UBL5: variants seen among roughly 807,000 people sequenced by gnomAD.
UBL5 encodes ubiquitin like 5, also known as ubiquitin-like protein 5.
Under a neutral mutation model 11.7 loss-of-function variants are expected in UBL5, and 13 were observed. That is an observed-to-expected ratio of 1.11 (90% CI 0.73 to 1.77). The LOEUF (loss-of-function observed/expected upper bound fraction) is 1.77, where lower values mean the gene tolerates loss of function less well. Among genes scored for constraint, UBL5 ranks in the 40% most tolerant of loss-of-function variants. The probability of loss-of-function intolerance (pLI) is 0.00; values close to 1 mark genes in which losing one functional copy is unlikely to be tolerated. For missense variants in UBL5, 58 were observed against 92.3 expected, an observed-to-expected ratio of 0.63 and a Z score of 1.52; for synonymous variants, 28 against 34.7, an observed-to-expected ratio of 0.81 and a Z score of 0.68.
At chr19:9,829,820 G>T in intron 4 of UBL5, 145 bp from the exon 5 acceptor site, 1 of 839,172 alleles carries the variant, frequency 1.2e-6, no homozygotes, top group Admixed American at 2.4e-5. Context: ...TAAAGTTTTG[G>T]TTCTCTCCAA....
chr19:9,828,171 T>TA, intron 1 of UBL5, 156 bp from the exon 2 acceptor site: 1 of 688,184 alleles, frequency 1.5e-6, no homozygotes, highest in Non-Finnish European at 2.5e-6. Flanking sequence ...GGCCTGGGAG[T>TA]ATTCGAGTCC....
In UBL5 at chr19:9,828,542, C is replaced by T. The variant is rs199935448; in HGVS notation, c.57-50C>T. 5 of 1,612,482 alleles carry T rather than the reference C, an allele frequency of 3.1e-6. No homozygotes were observed. In the East Asian group the frequency reaches 8.9e-5, roughly 29 times the overall value. On this transcript the variant is annotated intron_variant, in intron 2 of 4. Transcript: ENST00000586895. Reference sequence around the variant, plus strand: ...CAGATGGTATTCTGCCCTAGAATGTCCTCTTCCTCGTTCTACCGCTTCCAT... The same window carrying T: ...CAGATGGTATTCTGCCCTAGAATGTTCTCTTCCTCGTTCTACCGCTTCCAT...
intron 1 of UBL5, 65 bp downstream of exon 1, chr19:9,828,049 C>G: frequency 3.7e-6 from 2 of 543,992 alleles, no homozygotes; most frequent in Non-Finnish European, 6.6e-6. Context: ...CACCCAGGGT[C>G]TGGGGTCGGT....
chr19:9,829,935 A>C (rs900657991), intron 4 of UBL5, 30 bp from the exon 5 acceptor site: 2 of 1,613,914 alleles, frequency 1.2e-6, no homozygotes, highest in African/African-American at 2.7e-5. Context: ...CGGAAGTCAG[A>C]GTCAGGATTC....
In UBL5 at chr19:9,828,655, C is replaced by T; in HGVS notation, c.120C>T (p.Asn40=). ...LIAAQTGTRW[N]KIVLKKWYTI... ...CAGCCCAAACTGGTACCCGTTGGAA[C>T]AAGATTGTCCTGAAGAAGTGGTGAG... The change falls in exon 3 of 5, where the codon AAC becomes AAT. Residue 40 remains asparagine, a synonymous_variant. Transcript: ENST00000586895. The T allele has an allele frequency of 6.2e-7, 1 of 1,614,192 alleles. No individual in the cohort carries two copies. Among genetic ancestry groups the T allele is most frequent in the Non-Finnish European group, 8.5e-7 (1 of 1,180,028 alleles).
At position 9,828,318 on chromosome 19, in the gene UBL5, T is replaced by C. The variant is rs1193899113; in HGVS notation, c.-11-9T>C. The C allele has an allele frequency of 2.3e-4, 239 of 1,045,938 alleles. No individual in the cohort carries two copies. Among genetic ancestry groups the C allele is most frequent in the Non-Finnish European group, 2.7e-4 (188 of 689,502 alleles). 64.8% of individuals were successfully genotyped at this position (1,045,938 alleles called of 1,614,324 possible). The stretch of plus-strand genomic sequence containing the variant: ...TTGCTGCCTCCCACCCACCCCCCGC[T>C]TTGTGTAGCTCCAGCTAGGATGATC... On this transcript the variant is annotated splice_polypyrimidine_tract_variant and intron_variant, in intron 1 of 4. Transcript: ENST00000586895.
At chr19:9,828,301 TCCC>T in intron 1 of UBL5, 23 bp from the exon 2 acceptor site, 5 of 1,597,582 alleles carry the variant, frequency 3.1e-6, no homozygotes, top group Non-Finnish European at 4.3e-6. Flanking sequence ...CTTTGCTGCC[TCCC>T]ACCCACCCCC....
chr19:9,828,901 A>T, intron 4 of UBL5, 27 bp downstream of exon 4: 1 of 1,612,430 alleles, frequency 6.2e-7, no homozygotes, highest in Non-Finnish European at 8.5e-7. Context: ...TTTTTGAGGA[A>T]GCATCTACAT....
chr19:9,828,494 AGAG>A (rs2046037363), intron 2 of UBL5, 95 bp from the exon 3 acceptor site: 1 of 1,606,384 alleles, frequency 6.2e-7, no homozygotes, highest in Non-Finnish European at 8.5e-7. Context: ...TAAACCCGGG[AGAG>A]GGGGCGGATG....
At position 9,828,890 on chromosome 19, in the gene UBL5, CTT is replaced by C. The variant is rs2046040474; in HGVS notation, c.178+20_178+21del. ...CTGGGGGACTGTATCCTTTGTGTGA[CTT>C]TTTGAGGAAGCATCTACATACCCAG... On this transcript the variant is annotated intron_variant, in intron 4 of 4. Coordinates refer to ENST00000586895, the MANE Select transcript of UBL5 (RefSeq NM_001048241.3). The C allele has an allele frequency of 1.2e-6, 2 of 1,613,880 alleles. No homozygotes were observed. Among genetic ancestry groups the C allele is most frequent in the East Asian group, 4.5e-5 (2 of 44,884 alleles).
At chr19:9,828,804 T>C in intron 3 of UBL5, 33 bp from the exon 4 acceptor site, 1 of 1,613,738 alleles carries the variant, frequency 6.2e-7, no homozygotes, top group South Asian at 1.1e-5. Context: ...AGAGCCTCCT[T>C]AGCCTTATCT....
chr19:9,828,723 GT>G (rs758771375), intron 3 of UBL5, 48 bp downstream of exon 3: 2 of 1,613,772 alleles, frequency 1.2e-6, no homozygotes, highest in South Asian at 2.2e-5. Context: ...AGGCCGGAAG[GT>G]TTTGGTTGGG....
intron 4 of UBL5, 158 bp from the exon 5 acceptor site, chr19:9,829,807 T>A: frequency 1.4e-6 from 1 of 728,894 alleles, no homozygotes; most frequent in South Asian, 1.8e-5. Flanking sequence ...AGAAATTCTT[T>A]TGTAAAGTTT....
At position 9,830,054 on chromosome 19, in the gene UBL5, TC is replaced by T. The variant is rs1599442948; in HGVS notation, c.*51del. On this transcript the variant is annotated 3_prime_UTR_variant, in exon 5 of 5. Coordinates refer to ENST00000586895, the MANE Select transcript of UBL5 (RefSeq NM_001048241.3). ...GCCCCGCTTTCCTCTCCCATCCTCATCCCCCACACTGGGATAGATGCTTGTT... is the reference window on the plus strand; with the variant it reads ...GCCCCGCTTTCCTCTCCCATCCTCATCCCCACACTGGGATAGATGCTTGTT... 6.2e-7 allele frequency: 1 copy of T among 1,609,562 alleles called. No homozygotes were observed. Among genetic ancestry groups the T allele is most frequent in the Non-Finnish European group, 8.5e-7 (1 of 1,176,392 alleles).
At position 9,828,598 on chromosome 19, in the gene UBL5, TGA is replaced by T; in HGVS notation, c.64_65del (p.Asp22TyrfsTer6). 1 of 1,614,216 alleles carries T rather than the reference TGA, an allele frequency of 6.2e-7. No homozygotes were observed. Among genetic ancestry groups the T allele is most frequent in the Non-Finnish European group, 8.5e-7 (1 of 1,180,030 alleles). ...TTAACTGCTCTGCGCCCAGCACGGA[TGA>T]TACCATCGGGGACCTTAAGAAGCTG... ...KKVRVKCNTD[D>X]TIGDLKKLIA... On this transcript the variant is annotated frameshift_variant, in exon 3 of 5. Transcript: ENST00000586895.
intron 3 of UBL5, 36 bp from the exon 4 acceptor site, chr19:9,828,801 C>T: frequency 3.1e-6 from 5 of 1,613,586 alleles, no homozygotes; most frequent in Non-Finnish European, 4.2e-6. Context: ...TGAAGAGCCT[C>T]CTTAGCCTTA....
chr19:9,829,976 G>A lies in UBL5; in HGVS notation c.190G>A (p.Asp64Asn), dbSNP rs765166469. Residue 64 changes from aspartate (D) to asparagine (N), a missense_variant, in exon 5 of 5, where the codon GAT (aspartate) becomes AAT (asparagine). Physicochemically the swap from Asp to Asn is conservative, Grantham distance 23. Transcript: ENST00000586895. ...CACCTTTCCTTCAGATGAAATCCACGATGGGATGAACCTGGAGCTTTATTA... is the reference window on the plus strand; with the variant it reads ...CACCTTTCCTTCAGATGAAATCCACAATGGGATGAACCTGGAGCTTTATTA... ...HVSLGDYEIH[D>N]GMNLELYYQ 6.2e-7 allele frequency: 1 copy of A among 1,614,098 alleles called. No homozygotes were observed. Among genetic ancestry groups the A allele is most frequent in the Non-Finnish European group, 8.5e-7 (1 of 1,179,990 alleles).
chr19:9,828,728 G>A (rs1440262225), intron 3 of UBL5, 53 bp downstream of exon 3: 2 of 1,613,148 alleles, frequency 1.2e-6, no homozygotes, highest in African/African-American at 1.3e-5. Flanking sequence ...GGAAGGTTTT[G>A]GTTGGGGGAG....
At chr19:9,828,180 C>T (rs903120568) in intron 1 of UBL5, 147 bp from the exon 2 acceptor site, 4 of 747,242 alleles carry the variant, frequency 5.4e-6, no homozygotes, top group African/African-American at 1.7e-5. Context: ...GTATTCGAGT[C>T]CGGGGGGTTG....
Sources: gnomAD v4.1 joint callset for allele counts on GRCh38, gnomAD v4.1.1 for gene constraint, MANE v1.5 for transcripts, NCBI Gene and HGNC (gene_info 2026-07-23, HGNC 2026-07-21) for gene names.